The following MAST4 variants were observed in gnomAD, a reference collection of about 807,000 sequenced individuals.
MAST4 encodes the protein microtubule-associated serine/threonine-protein kinase 4.
A neutral mutation model predicts 162.7 loss-of-function variants in MAST4; 89 were observed. The ratio of observed to expected loss-of-function variants is 0.55; its 90% CI spans 0.46 to 0.65. The LOEUF (loss-of-function observed/expected upper bound fraction) is 0.65. Ranked by LOEUF, MAST4 falls within the 30% of genes least tolerant of loss-of-function variation. The pLI is 0.00. For synonymous variants in MAST4, 1,479 were observed against 1,361.1 expected (o/e 1.09, Z -1.91); for missense variants, 3,153 against 3,374.0 (o/e 0.93, Z 1.62).
At position 67,165,884 on chromosome 5, in the gene MAST4, T is replaced by C; in HGVS notation, c.6705T>C (p.Ser2235=). ...CTGCCACTCAGTCCCTCGGTGGCTC[T>C]AGCAGAGAGGGGAAGGGCCACAGTA... ...KEPATQSLGG[S]SREGKGHSKS... Residue 2235 remains serine (S), a synonymous_variant, in exon 29 of 29, where the codon TCT becomes TCC. Transcript: ENST00000403625. The C allele has an allele frequency of 6.2e-7, 1 of 1,613,344 alleles. No homozygotes were observed. The highest frequency in any genetic ancestry group is 8.5e-7 in the Non-Finnish European group (1 of 1,179,874).
intron 4 of MAST4, among the ~76,000 whole-genome samples, chr5:66,980,998 GAATA>G (rs1437736254): frequency 6.6e-6 from 1 of 152,090 alleles, no homozygotes; most frequent in Non-Finnish European, 1.5e-5. Flanking sequence ...TCTCATGAAA[GAATA>G]AAGACTATGC....
In MAST4 at chr5:66,812,185, G is replaced by A. The variant is rs60245870; in HGVS notation, c.642+23391G>A. ...ACAGCCATTGGGTACAGAGCTGACCGCTGAGCCACACCAGACCAGGAAGTA... is the reference window on the plus strand; with the variant it reads ...ACAGCCATTGGGTACAGAGCTGACCACTGAGCCACACCAGACCAGGAAGTA... On this transcript the variant is annotated intron_variant, in intron 3 of 28. Transcript: ENST00000403625. 6.0e-3 allele frequency among the ~76,000 whole-genome samples: 910 copies of A among 152,250 alleles called. 10 individuals are homozygous for A. Among genetic ancestry groups the A allele is most frequent in the African/African-American group, 0.021 (874 of 41,550 alleles).
intron 1 of MAST4, among the ~76,000 whole-genome samples, chr5:66,758,581 C>T (rs1753685742): frequency 6.6e-6 from 1 of 151,994 alleles, no homozygotes; most frequent in African/African-American, 2.4e-5. Context: ...TGCGCTCCGC[C>T]TGTGCAATGA....
chr5:66,808,712 GC>G (rs1208555791), intron 3 of MAST4, among the ~76,000 whole-genome samples: 1 of 152,148 alleles, frequency 6.6e-6, no homozygotes, highest in Non-Finnish European at 1.5e-5. Context: ...ATTTGGTAGT[GC>G]CTGATCCCGT....
intron 1 of MAST4, among the ~76,000 whole-genome samples, chr5:66,730,399 C>T (rs1420014112): frequency 6.6e-6 from 1 of 152,056 alleles, no homozygotes; most frequent in Non-Finnish European, 1.5e-5. Flanking sequence ...CTCTACTGTT[C>T]AGGATGGGAT....
intron 2 of MAST4, among the ~76,000 whole-genome samples, chr5:66,760,961 A>T (rs1056377967): frequency 6.6e-6 from 1 of 152,350 alleles, no homozygotes; most frequent in African/African-American, 2.4e-5. Context: ...ATTCTTTGTT[A>T]ATAAAAATAA....
At chr5:66,829,839 C>T (rs1445809863) in intron 3 of MAST4, among the ~76,000 whole-genome samples, 1 of 127,054 alleles carries the variant, frequency 7.9e-6, no homozygotes, top group Non-Finnish European at 1.7e-5. Flanking sequence ...TACTAATATT[C>T]ATATTACTAT....
chr5:66,726,423 A>G (rs528097817), intron 1 of MAST4, among the ~76,000 whole-genome samples: 3 of 152,268 alleles, frequency 2.0e-5, no homozygotes, highest in East Asian at 1.9e-4. Flanking sequence ...CACAGAGGCA[A>G]GGAAATGATA....
chr5:66,840,924 T>C (rs755230654), intron 3 of MAST4, among the ~76,000 whole-genome samples: 2 of 152,120 alleles, frequency 1.3e-5, no homozygotes, highest in Non-Finnish European at 2.9e-5. Context: ...ATGACTAATA[T>C]GGGGGACAAG....
At chr5:67,129,385 A>G (rs558298261) in intron 14 of MAST4, among the ~76,000 whole-genome samples, 2 of 152,288 alleles carry the variant, frequency 1.3e-5, no homozygotes, top group Admixed American at 6.5e-5. Context: ...CTAAGAAGCT[A>G]TGGGGTTTTT....
intron 1 of MAST4, among the ~76,000 whole-genome samples, chr5:66,693,406 A>C (rs4700153): frequency 0.1 from 15,491 of 152,274 alleles, 922 homozygotes; most frequent in Admixed American, 0.16. Flanking sequence ...GTATTCTTTT[A>C]ATAAGTTAAG....
chr5:67,019,816 C>T (rs1434007822), intron 4 of MAST4, among the ~76,000 whole-genome samples: 6 of 152,036 alleles, frequency 3.9e-5, no homozygotes, highest in South Asian at 2.1e-4. Flanking sequence ...TATATAGAGT[C>T]GTATGTTGAA....
rs567789318 is a variant in MAST4, at chr5:67,168,798, A to G, written c.*1747A>G. On this transcript the variant is annotated 3_prime_UTR_variant, in exon 29 of 29. Coordinates refer to ENST00000403625, the MANE Select transcript of MAST4 (RefSeq NM_001164664.2). ...TGGCCTTATGGATTGTAAATCTTCT[A>G]GTGAGGCTATAAACTCCACTCTGAA... The G allele has an allele frequency of 1.3e-5, 2 of 152,312 alleles. No individual in the cohort carries two copies. Among genetic ancestry groups the G allele is most frequent in the African/African-American group, 2.4e-5 (1 of 41,566 alleles). The allele number at this position is 152,312 out of a possible 1,614,324, so 9.4% of individuals were successfully genotyped here.
chr5:66,745,661 T>C (rs553240281), intron 1 of MAST4, among the ~76,000 whole-genome samples: 121 of 152,318 alleles, frequency 7.9e-4, no homozygotes, highest in Non-Finnish European at 1.5e-3. Context: ...TATTAGGTGT[T>C]GGACCACAGC....
chr5:66,904,493 C>A (rs1763214922), intron 4 of MAST4, among the ~76,000 whole-genome samples: 1 of 152,228 alleles, frequency 6.6e-6, no homozygotes, highest in Non-Finnish European at 1.5e-5. Flanking sequence ...ATTCTCCCTG[C>A]TGCTTAAAAT....
intron 4 of MAST4, among the ~76,000 whole-genome samples, chr5:66,950,348 G>A (rs1009458654): frequency 6.6e-6 from 1 of 151,652 alleles, no homozygotes; most frequent in Non-Finnish European, 1.5e-5. Context: ...AGTTGTGTAA[G>A]TATCACTGCC....
intron 1 of MAST4, among the ~76,000 whole-genome samples, chr5:66,714,586 T>G (rs573038394): frequency 1.3e-5 from 2 of 152,356 alleles, no homozygotes; most frequent in African/African-American, 4.8e-5. Context: ...TGGCGTTTCC[T>G]TCTGCTGGCA....
intron 1 of MAST4, among the ~76,000 whole-genome samples, chr5:66,641,079 G>T (rs998998402): frequency 1.3e-5 from 2 of 152,118 alleles, no homozygotes; most frequent in African/African-American, 4.8e-5. Flanking sequence ...GCATTGAGTT[G>T]CCTGAGTTTT....
intron 4 of MAST4, among the ~76,000 whole-genome samples, chr5:66,941,121 A>T (rs918299498): frequency 4.6e-5 from 7 of 152,104 alleles, no homozygotes; most frequent in Admixed American, 2.6e-4. Context: ...CTATGTATGG[A>T]GCACAGGCAG....
Sources: allele counts gnomAD v4.1 joint callset (sites outside exome capture counted in the v4.1 genomes callset), GRCh38; gene constraint gnomAD v4.1.1; transcripts MANE v1.5; gene names NCBI Gene and HGNC (gene_info 2026-07-23, HGNC 2026-07-21).